PDZD2: variants seen among roughly 807,000 people sequenced by gnomAD.
PDZD2 encodes the protein PDZ domain-containing protein 2.
PDZD2 carries 90 observed loss-of-function variants against 220.7 expected under a neutral mutation model. The observed-to-expected ratio is 0.41, with a 90% CI of 0.34 to 0.49. PDZD2 has a LOEUF of 0.49. PDZD2 is among the 20% of genes least tolerant of loss of function. The probability of loss-of-function intolerance (pLI) is 0.28; values close to 1 mark genes in which losing one functional copy is unlikely to be tolerated. For missense variants in PDZD2, 3,174 were observed against 3,608.5 expected (o/e 0.88, Z 3.08); for synonymous variants, 1,375 against 1,450.5 (o/e 0.95, Z 1.18).
chr5:31,904,817 G>A (rs1022262918), intron 2 of PDZD2, among the ~76,000 whole-genome samples: 18 of 152,128 alleles, frequency 1.2e-4, no homozygotes, highest in African/African-American at 4.1e-4. Flanking sequence ...AATTCTGGGC[G>A]CAATTACATC....
At chr5:31,957,971 C>G (rs1361264124) in intron 2 of PDZD2, among the ~76,000 whole-genome samples, 2 of 152,132 alleles carry the variant, frequency 1.3e-5, no homozygotes, top group African/African-American at 2.4e-5. Context: ...CACCTAGACA[C>G]CAAACATCAT....
At chr5:31,784,536 C>T (rs937146875) in intron 1 of PDZD2, among the ~76,000 whole-genome samples, 1 of 152,116 alleles carries the variant, frequency 6.6e-6, no homozygotes, top group Middle Eastern at 3.2e-3. Flanking sequence ...TCATAATGTG[C>T]ACTTTGGAGA....
chr5:31,898,776 G>T (rs551967962), intron 2 of PDZD2, among the ~76,000 whole-genome samples: 2 of 149,724 alleles, frequency 1.3e-5, no homozygotes, highest in South Asian at 4.3e-4. Flanking sequence ...ACGGCTTTGG[G>T]ATCCTTCTTA....
chr5:31,826,328 TC>T (rs1191845644), intron 2 of PDZD2, among the ~76,000 whole-genome samples: 1 of 152,050 alleles, frequency 6.6e-6, no homozygotes, highest in East Asian at 1.9e-4. Flanking sequence ...AGGTAACAGT[TC>T]CCTGCAAAGT....
intron 1 of PDZD2, among the ~76,000 whole-genome samples, chr5:31,796,839 T>C (rs1299645483): frequency 6.6e-6 from 1 of 152,208 alleles, no homozygotes; most frequent in Non-Finnish European, 1.5e-5. Context: ...CATTTCCTAC[T>C]ACTCTTCAGT....
chr5:32,077,659 A>C (rs1259168351), intron 19 of PDZD2, 53 bp downstream of exon 19: 6 of 1,580,818 alleles, frequency 3.8e-6, no homozygotes, highest in Non-Finnish European at 5.2e-6. Context: ...AGATACCCTA[A>C]TGAAAGCATT....
At chr5:31,927,503 C>T (rs1466838564) in intron 2 of PDZD2, among the ~76,000 whole-genome samples, 1 of 152,172 alleles carries the variant, frequency 6.6e-6, no homozygotes, top group African/African-American at 2.4e-5. Context: ...CCTGCTTCAG[C>T]CTCCCGAGTA....
At chr5:31,985,943 T>C (rs1203287259) in intron 3 of PDZD2, among the ~76,000 whole-genome samples, 1 of 150,992 alleles carries the variant, frequency 6.6e-6, no homozygotes, top group African/African-American at 2.4e-5. Flanking sequence ...GGCATGGTGG[T>C]GCATGCCTGT....
intron 2 of PDZD2, among the ~76,000 whole-genome samples, chr5:31,949,514 A>T (rs1024258360): frequency 6.6e-6 from 1 of 152,096 alleles, no homozygotes; most frequent in Non-Finnish European, 1.5e-5. Flanking sequence ...TGGCACCCTG[A>T]AGTGGTCTAC....
At chr5:31,992,204 TA>T (rs918307654) in intron 3 of PDZD2, among the ~76,000 whole-genome samples, 34 of 151,748 alleles carry the variant, frequency 2.2e-4, no homozygotes, top group African/African-American at 6.8e-4. Flanking sequence ...TACTTTCAAT[TA>T]AAAAAAAATT....
intron 2 of PDZD2, among the ~76,000 whole-genome samples, chr5:31,902,723 C>T (rs1482950867): frequency 6.7e-6 from 1 of 150,332 alleles, no homozygotes; most frequent in East Asian, 2.1e-4. Flanking sequence ...AAAAATTAGC[C>T]GGGTGCAGTG....
chr5:31,927,584 C>T (rs1441258156), intron 2 of PDZD2, among the ~76,000 whole-genome samples: 2 of 152,036 alleles, frequency 1.3e-5, no homozygotes, highest in Non-Finnish European at 2.9e-5. Context: ...GGGGTTTCAC[C>T]ATGTTGGCCA....
At chr5:31,669,483 C>G (rs1475680960) in intron 1 of PDZD2, among the ~76,000 whole-genome samples, 4 of 152,198 alleles carry the variant, frequency 2.6e-5, no homozygotes, top group East Asian at 3.9e-4. Flanking sequence ...CTGGCTGCCC[C>G]CTGTCCTGGC....
At chr5:31,865,063 G>T (rs1738084558) in intron 2 of PDZD2, among the ~76,000 whole-genome samples, 1 of 151,410 alleles carries the variant, frequency 6.6e-6, no homozygotes, top group African/African-American at 2.4e-5. Context: ...TAGCCAGGAT[G>T]GTCTCGATCT....
rs1742645017 is a variant in PDZD2, at chr5:32,087,800, C to G, written c.4352C>G (p.Ser1451Cys). The G allele has an allele frequency of 2.5e-6, 4 of 1,613,518 alleles. No individual in the cohort carries two copies. Among genetic ancestry groups the G allele is most frequent in the Non-Finnish European group, 1.7e-6 (2 of 1,179,902 alleles). The change falls in exon 20 of 25, where the codon TCT becomes TGT. Residue 1451 changes from serine (S) to cysteine (C), a missense_variant. Ser to Cys is a moderately radical substitution (Grantham distance 112, BLOSUM62 -1). This residue lies in a region of PDZD2 where 1,861 missense variants were observed against 2,001.0 expected (regional missense o/e 0.93). Coordinates refer to ENST00000438447, the MANE Select transcript of PDZD2 (RefSeq NM_178140.4). This position sits in a 1 kb window ranked among gnomAD's most constrained non-coding sequence, Gnocchi z 4.0. ...SPSSQTGDSGSQEGSAQGHPP... is the reference protein window; with the variant it reads ...SPSSQTGDSGCQEGSAQGHPP... Reference sequence around the variant, plus strand: ...TCTTCCCAGACGGGGGACAGTGGCTCTCAGGAGGGCAGTGCTCAGGGCCAC... The same window carrying G: ...TCTTCCCAGACGGGGGACAGTGGCTGTCAGGAGGGCAGTGCTCAGGGCCAC...
intron 2 of PDZD2, among the ~76,000 whole-genome samples, chr5:31,957,436 T>C (rs1747815149): frequency 6.6e-6 from 1 of 152,206 alleles, no homozygotes; most frequent in South Asian, 2.1e-4. Context: ...CATTCATACA[T>C]GAACGAGTCA....
rs1477437907 is a variant in PDZD2 at position 32,087,345 on chromosome 5, C to T, written c.3897C>T (p.Pro1299=). Residue 1299 remains proline (P), a synonymous_variant, in exon 20 of 25, where the codon CCC becomes CCT. Coordinates refer to ENST00000438447, the MANE Select transcript of PDZD2 (RefSeq NM_178140.4). The surrounding 1 kb of genome is among the most constrained non-coding windows in gnomAD (Gnocchi z 4.0). ...CCCCGGGGGAGAAAGCAGCGGCTCC[C>T]CCTGACTACAGCAAGACTCGATCAG... ...SPSPGEKAAA[P]PDYSKTRSAS... 1 of 1,614,132 alleles carries T rather than the reference C, an allele frequency of 6.2e-7. No individual in the cohort carries two copies. The highest frequency in any genetic ancestry group is 8.5e-7 in the Non-Finnish European group (1 of 1,179,992).
chr5:31,672,907 G>A (rs1038452824), intron 1 of PDZD2, among the ~76,000 whole-genome samples: 3 of 152,298 alleles, frequency 2.0e-5, no homozygotes, highest in East Asian at 1.9e-4. Context: ...TTCTGATAAC[G>A]AAACACTTTG....
chr5:32,052,219 C>G (rs1237260753), intron 8 of PDZD2, among the ~76,000 whole-genome samples: 1 of 152,216 alleles, frequency 6.6e-6, no homozygotes, highest in Non-Finnish European at 1.5e-5. Flanking sequence ...AATCTCTGCT[C>G]ACTGCAACCT....
Sources: allele counts gnomAD v4.1 joint callset (sites outside exome capture counted in the v4.1 genomes callset), GRCh38; gene constraint gnomAD v4.1.1; regional missense constraint gnomAD v4.1.1; non-coding constraint Gnocchi (gnomAD v3.1); transcripts MANE v1.5; gene names NCBI Gene and HGNC (gene_info 2026-07-23, HGNC 2026-07-21).